Variants in ARAP2 observed in about 807,000 individuals in gnomAD.
The protein encoded by ARAP2 is arf-GAP with Rho-GAP domain, ANK repeat and PH domain-containing protein 2.
Under a neutral mutation model 194.5 loss-of-function variants are expected in ARAP2, and 148 were observed. The observed-to-expected ratio is 0.76, with a 90% confidence interval of 0.67 to 0.87. The LOEUF (loss-of-function observed/expected upper bound fraction) is 0.87. Among genes scored for constraint, ARAP2 ranks in the 40% least tolerant of loss-of-function variants. ARAP2 has a pLI of 0.00. For missense variants in ARAP2, 2,128 were observed against 1,989.7 expected (o/e 1.07, Z -1.32); for synonymous variants, 695 against 683.5 (o/e 1.02, Z -0.26).
chr4:36,065,458 G>A, downstream of ARAP2: 1 of 384,136 alleles, frequency 2.6e-6, no homozygotes, highest in Non-Finnish European at 5.3e-6. Flanking sequence ...TATTCACTAT[G>A]TGGCCTTTGA....
chr4:36,009,313 T>C (rs781410661), intron 9 of ARAP2, among the ~76,000 whole-genome samples: 2 of 152,170 alleles, frequency 1.3e-5, no homozygotes, highest in Admixed American at 1.3e-4. Flanking sequence ...GTAGATTGTA[T>C]TTTTAAAATG....
chr4:36,219,915 T>C (rs771517299), intron 2 of ARAP2, among the ~76,000 whole-genome samples: 11 of 152,278 alleles, frequency 7.2e-5, no homozygotes, highest in Non-Finnish European at 1.0e-4. Context: ...CACTATAAGA[T>C]TGCAATTTTT....
At chr4:36,086,269 T>A (rs1003515961) in intron 28 of ARAP2, among the ~76,000 whole-genome samples, 2 of 152,116 alleles carry the variant, frequency 1.3e-5, no homozygotes, top group African/African-American at 2.4e-5. Context: ...ACAGTCTTCA[T>A]TTACACAGGA....
chr4:36,217,188 A>AT (rs1347495437), intron 2 of ARAP2, among the ~76,000 whole-genome samples: 1 of 152,180 alleles, frequency 6.6e-6, no homozygotes, highest in African/African-American at 2.4e-5. Context: ...TTATATATAT[A>AT]TTTTTTGACC....
At position 36,055,723 on chromosome 4, in the gene ARAP2, C is replaced by A. The variant is rs1175323101; in HGVS notation, n.321+2247G>T. Among the ~76,000 whole-genome samples, 3 of 152,050 alleles carry A rather than the reference C, an allele frequency of 2.0e-5. No homozygotes were observed. The East Asian group carries it at 5.8e-4, about 29-fold the overall frequency. ...GGATTACAGGCATGTACCACCATGA[C>A]AAGCTAATTTTTGTATTTTTAGTAG... On this transcript the variant is annotated intron_variant and non_coding_transcript_variant, in intron 2 of 12. Transcript: ENST00000503225.
chr4:36,123,198 G>A (rs1294875436), intron 22 of ARAP2, among the ~76,000 whole-genome samples: 1 of 151,702 alleles, frequency 6.6e-6, no homozygotes, highest in Admixed American at 6.6e-5. Context: ...GTCTGTCTCT[G>A]TTACTAGAAT....
intron 20 of ARAP2, 78 bp downstream of exon 20, chr4:36,133,148 A>G (rs1725824579): frequency 4.1e-6 from 6 of 1,449,108 alleles, no homozygotes; most frequent in Non-Finnish European, 5.7e-6. Context: ...AACTCAGTCC[A>G]ATAGAGGTAC....
intron 5 of ARAP2, 89 bp downstream of exon 5, chr4:36,212,307 G>T: frequency 1.8e-6 from 2 of 1,112,008 alleles, no homozygotes; most frequent in Non-Finnish European, 2.5e-6. Flanking sequence ...TATTTTCTCT[G>T]ACACACAATA....
At chr4:36,160,805 T>C (rs888069804) in intron 12 of ARAP2, among the ~76,000 whole-genome samples, 164 bp from the exon 13 acceptor site, 3 of 152,184 alleles carry the variant, frequency 2.0e-5, no homozygotes, top group African/African-American at 7.2e-5. Flanking sequence ...TGAAAGCAGA[T>C]ACTATGATCA....
At chr4:36,014,466 G>A (rs1577535186) in intron 8 of ARAP2, among the ~76,000 whole-genome samples, 2 of 151,756 alleles carry the variant, frequency 1.3e-5, no homozygotes, top group African/African-American at 4.8e-5. Flanking sequence ...AAGAAATTGG[G>A]GTAATGAAAA....
intron 5 of ARAP2, among the ~76,000 whole-genome samples, chr4:36,034,483 A>G (rs1034689940): frequency 6.6e-6 from 1 of 152,130 alleles, no homozygotes; most frequent in Non-Finnish European, 1.5e-5. Context: ...TGATTTTTGT[A>G]TATTGATTTT....
At chr4:36,043,969 G>A (rs543246744) in intron 5 of ARAP2, among the ~76,000 whole-genome samples, 12 of 152,068 alleles carry the variant, frequency 7.9e-5, no homozygotes, top group African/African-American at 1.2e-4. Flanking sequence ...TCTGAGATAC[G>A]TATTTCAAGT....
downstream of ARAP2, among the ~76,000 whole-genome samples, chr4:36,062,547 T>C (rs1724613988): frequency 6.6e-6 from 1 of 152,198 alleles, no homozygotes; most frequent in Non-Finnish European, 1.5e-5. Flanking sequence ...GGAGGACTAA[T>C]ACATTAATAA....
At chr4:36,055,690 A>G (rs1262948275) in intron 2 of ARAP2, among the ~76,000 whole-genome samples, 2 of 152,006 alleles carry the variant, frequency 1.3e-5, no homozygotes, top group Non-Finnish European at 2.9e-5. Context: ...CAACCTCCCA[A>G]GGAGCTGGGA....
intron 12 of ARAP2, among the ~76,000 whole-genome samples, 189 bp downstream of exon 12, chr4:36,161,276 C>T (rs1733882111): frequency 6.6e-6 from 1 of 152,050 alleles, no homozygotes; most frequent in Non-Finnish European, 1.5e-5. Flanking sequence ...AAATAACTAT[C>T]TCATTTAGGA....
chr4:36,166,942 T>C lies in ARAP2; in HGVS notation c.1963A>G (p.Arg655Gly), dbSNP rs781314937. 2 of 1,594,122 alleles carry C rather than the reference T, an allele frequency of 1.3e-6. No individual in the cohort carries two copies. Among genetic ancestry groups the C allele is most frequent in the South Asian group, 1.1e-5 (1 of 87,722 alleles). The stretch of plus-strand genomic sequence containing the variant: ...TTAAAAATAGCTTACCTGAAACTCC[T>C]GTAGGGAGTGATTATTTCAAAAGAT... ...KQSFEIITPY[R>G]SFSFTAETEK... The change falls in exon 10 of 33, where the codon AGG becomes GGG. Residue 655 changes from arginine (R) to glycine (G), a missense_variant. Physicochemically the swap from Arg to Gly is moderately radical, Grantham distance 125. Coordinates refer to ENST00000303965, the MANE Select transcript of ARAP2 (RefSeq NM_015230.4).
At chr4:36,022,490 G>T (rs188537040) in intron 5 of ARAP2, among the ~76,000 whole-genome samples, 63 of 152,294 alleles carry the variant, frequency 4.1e-4, no homozygotes, top group African/African-American at 1.4e-3. Context: ...CAGGATGGCA[G>T]CCTGGAGAGG....
rs1345706795 is a variant in ARAP2, at chr4:36,121,262, A to G, written c.3811T>C (p.Cys1271Arg). The G allele has an allele frequency of 3.7e-6, 6 of 1,606,328 alleles. No individual in the cohort carries two copies. Among genetic ancestry groups the G allele is most frequent in the Admixed American group, 3.4e-5 (2 of 59,352 alleles). The change falls in exon 23 of 33, where the codon TGT becomes CGT. Residue 1271 changes from cysteine (C) to arginine (R), a missense_variant. Transcript: ENST00000303965. ...GTTTGTCCCTTCGTTTGAAACAAAC[A>G]GGATGAAAAGACCAAGGCCAAATTA... ...AHNLALVFSSCLFQTKGQTSE... is the reference protein window; with the variant it reads ...AHNLALVFSSRLFQTKGQTSE...
rs201444247 is a variant in ARAP2, at chr4:36,224,237, G to A, written c.905+4345C>T. Reference sequence around the variant, plus strand: ...GTTAAAAATAAATAAATAAATAAATGAATAAATAAATAAAAACAGTTCTCA... The same window carrying A: ...GTTAAAAATAAATAAATAAATAAATAAATAAATAAATAAAAACAGTTCTCA... On this transcript the variant is annotated intron_variant, in intron 2 of 32. Coordinates refer to ENST00000303965, the MANE Select transcript of ARAP2 (RefSeq NM_015230.4). 3.9e-4 allele frequency among the ~76,000 whole-genome samples: 55 copies of A among 139,952 alleles called. No homozygotes were observed. In the South Asian group the frequency reaches 0.01, roughly 26 times the overall value. The allele number at this position is 139,952 out of a possible 152,430, so 91.8% of individuals were successfully genotyped here.
Sources: allele counts gnomAD v4.1 joint callset (sites outside exome capture counted in the v4.1 genomes callset), GRCh38; gene constraint gnomAD v4.1.1; transcripts MANE v1.5; gene names NCBI Gene and HGNC (gene_info 2026-07-23, HGNC 2026-07-21).